F7: variants seen among roughly 807,000 people sequenced by gnomAD.
The protein encoded by F7 is coagulation factor VII.
F7 carries 38 observed loss-of-function variants against 47.5 expected under a neutral mutation model. That is an observed-to-expected ratio of 0.80 (90% CI 0.62 to 1.05). The LOEUF is 1.05. F7 is among the 50% of genes least tolerant of loss of function. F7 has a pLI of 0.00. For missense variants in F7, 575 were observed against 605.4 expected, an observed-to-expected ratio of 0.95 and a Z score of 0.53; for synonymous variants, 244 against 258.5, an observed-to-expected ratio of 0.94 and a Z score of 0.54.
Position 113,115,947 on chromosome 13 carries a change from A to G in F7, c.505+147A>G. The G allele has an allele frequency of 3.9e-6, 5 of 1,266,592 alleles. No homozygotes were observed. The South Asian group carries it at 5.1e-5, about 13-fold the overall frequency. 78.5% of individuals were successfully genotyped at this position (1,266,592 alleles called of 1,614,324 possible). ...ACCAATTGTGAGGTGGGATCTGGGC[A>G]CCAAGGGTGGCACAGGCCAGAGCGA... is the stretch of plus-strand genomic sequence containing the variant. On this transcript the variant is annotated intron_variant, in intron 5 of 7. Transcript: ENST00000346342.
Position 113,113,656 on chromosome 13 carries a change from A to G in F7, c.226-96A>G. 1 of 1,314,020 alleles carries G rather than the reference A, an allele frequency of 7.6e-7. No homozygotes were observed. The highest frequency in any genetic ancestry group is 1.1e-6 in the Non-Finnish European group (1 of 908,770). 81.4% of individuals were successfully genotyped at this position (1,314,020 alleles called of 1,614,324 possible). ...AGCCCACCCCGCCAGACCCAGGTCC[A>G]AGTCCCCCAACCCCAGTTCATGGTG... On this transcript the variant is annotated intron_variant, in intron 2 of 7. Transcript: ENST00000346342. The surrounding 1 kb of genome is among the most constrained non-coding windows in gnomAD (Gnocchi z 4.1).
At chr13:113,105,978 T>C (rs2035945671) in intron 1 of F7, 73 bp downstream of exon 1, 1 of 1,386,608 alleles carries the variant, frequency 7.2e-7, no homozygotes, top group Non-Finnish European at 9.9e-7. Flanking sequence ...AGCCCGGGCT[T>C]CCCAAACCCC....
At chr13:113,108,530 G>A (rs1190471278) in intron 1 of F7, among the ~76,000 whole-genome samples, 1 of 34,822 alleles carries the variant, frequency 2.9e-5, no homozygotes, top group Admixed American at 2.3e-4. Context: ...TGGGTGTCCC[G>A]GGGGCGTGGG....
chr13:113,111,992 G>T (rs2036107422), intron 2 of F7, among the ~76,000 whole-genome samples: 1 of 131,076 alleles, frequency 7.6e-6, no homozygotes, highest in Non-Finnish European at 1.6e-5. Flanking sequence ...CACACTCAGG[G>T]TGCACTTCAA....
chr13:113,113,787 G>T lies in F7; in HGVS notation c.250+11G>T. The T allele has an allele frequency of 6.2e-7, 1 of 1,614,186 alleles. No individual in the cohort carries two copies. The highest frequency in any genetic ancestry group is 8.5e-7 in the Non-Finnish European group (1 of 1,180,040). ...GGATTTCTTACAGTGGTGAGTGGATGATCACCACCAGTCCTGCCTGCAACC... is the reference window on the plus strand; with the variant it reads ...GGATTTCTTACAGTGGTGAGTGGATTATCACCACCAGTCCTGCCTGCAACC... On this transcript the variant is annotated intron_variant, in intron 3 of 7. Transcript: ENST00000346342. The surrounding 1 kb of genome is among the most constrained non-coding windows in gnomAD (Gnocchi z 4.1).
Position 113,119,268 on chromosome 13 carries a change from A to C in F7, c.*260A>C. 7.7e-6 allele frequency: 4 copies of C among 517,284 alleles called. No homozygotes were observed. The highest frequency in any genetic ancestry group is 6.9e-6 in the Non-Finnish European group (2 of 289,458). The allele number at this position is 517,284 out of a possible 1,614,324, so 32.0% of individuals were successfully genotyped here. A position where few individuals can be genotyped will look rare whatever the true frequency, so the allele number is the denominator to read the frequency against. ...TAGAGACACAGAGATGGAATAGAAA[A>C]GATGAGAGGCAGAGGCAGACAGGCG... On this transcript the variant is annotated 3_prime_UTR_variant, in exon 8 of 8. Coordinates refer to ENST00000346342, the MANE Select transcript of F7 (RefSeq NM_019616.4).
chr13:113,113,789 TCAC>T lies in F7; in HGVS notation c.250+19_250+21del. 6.2e-7 allele frequency: 1 copy of T among 1,614,150 alleles called. No homozygotes were observed. The highest frequency in any genetic ancestry group is 1.3e-5 in the African/African-American group (1 of 75,032). On this transcript the variant is annotated intron_variant, in intron 3 of 7. Coordinates refer to ENST00000346342, the MANE Select transcript of F7 (RefSeq NM_019616.4). This position sits in a 1 kb window ranked among gnomAD's most constrained non-coding sequence, Gnocchi z 4.1. ...ATTTCTTACAGTGGTGAGTGGATGA[TCAC>T]CACCAGTCCTGCCTGCAACCCTTCT...
In F7 at chr13:113,119,243, T is replaced by A; in HGVS notation, c.*235T>A. 1 of 575,058 alleles carries A rather than the reference T, an allele frequency of 1.7e-6. No individual in the cohort carries two copies. The highest frequency in any genetic ancestry group is 3.1e-6 in the Non-Finnish European group (1 of 323,814). The allele number at this position is 575,058 out of a possible 1,614,324, so 35.6% of individuals were successfully genotyped here. ...AGACTCCAAGATTCAAAGAGACTAA[T>A]AGAGACACAGAGATGGAATAGAAAA... On this transcript the variant is annotated 3_prime_UTR_variant, in exon 8 of 8. Coordinates refer to ENST00000346342, the MANE Select transcript of F7 (RefSeq NM_019616.4).
rs375016045 is a variant in F7, at chr13:113,110,493, G to A, written c.65-197G>A. ...CCCCCGGAAGCAGAGAGGCCAGGCC[G>A]GGAAGGATGGGCGACGGGGGTGGCT... is the stretch of plus-strand genomic sequence containing the variant. On this transcript the variant is annotated intron_variant, in intron 1 of 7. Transcript: ENST00000346342. 5.4e-5 allele frequency: 36 copies of A among 667,752 alleles called. No individual in the cohort carries two copies. The Admixed American group carries it at 8.9e-4, about 17-fold the overall frequency. The allele number at this position is 667,752 out of a possible 1,614,324, so 41.4% of individuals were successfully genotyped here.
rs959914744 is a variant in F7 at position 113,118,490 on chromosome 13, G to A, written c.817G>A (p.Val273Ile). The change falls in exon 8 of 8, where the codon GTC (valine) becomes ATC (isoleucine). Residue 273 changes from valine (V) to isoleucine (I), a missense_variant. By Grantham distance (29) the Val-to-Ile change is conservative. Transcript: ENST00000346342. Reference protein sequence around the residue: ...VAQVIIPSTYVPGTTNHDIAL... With the variant: ...VAQVIIPSTYIPGTTNHDIAL... ...GCAGGTCATCATCCCCAGCACGTAC[G>A]TCCCGGGCACCACCAACCACGACAT... The A allele has an allele frequency of 1.9e-5, 31 of 1,610,192 alleles. No homozygotes were observed. The highest frequency in any genetic ancestry group is 1.6e-4 in the Middle Eastern group (1 of 6,082).
intron 1 of F7, 64 bp downstream of exon 1, chr13:113,105,969 G>C: frequency 6.8e-7 from 1 of 1,467,652 alleles, no homozygotes; most frequent in Non-Finnish European, 9.2e-7. Context: ...CCAGGAGCCA[G>C]CCCGGGCTTC....
intron 4 of F7, among the ~76,000 whole-genome samples, chr13:113,114,193 G>A (rs111970669): frequency 1.1e-4 from 17 of 152,122 alleles, no homozygotes; most frequent in African/African-American, 3.4e-4. Context: ...TTGGGCTCCC[G>A]GCCCTGGGCA....
In F7 at chr13:113,115,778, C is replaced by T. The variant is rs6040; in HGVS notation, c.483C>T (p.Asp161=). The T allele has an allele frequency of 3.4e-4, 552 of 1,613,250 alleles. 6 individuals carry two copies. In the East Asian group the frequency reaches 0.01, roughly 30 times the overall value. ...ACGAGGGGTACTCTCTGCTGGCAGA[C>T]GGGGTGTCCTGCACACCCACAGGTG... The part of the protein sequence containing the change: ...RCHEGYSLLA[D]GVSCTPTVEY... Residue 161 remains aspartate (D), a synonymous_variant, in exon 5 of 8, where the codon GAC becomes GAT. Transcript: ENST00000346342.
intron 4 of F7, among the ~76,000 whole-genome samples, chr13:113,114,327 G>GT (rs1566908328): frequency 2.8e-5 from 4 of 145,406 alleles, no homozygotes; most frequent in African/African-American, 9.8e-5. Flanking sequence ...AGGTTTGAGG[G>GT]GTTTGTTTTT....
At chr13:113,115,153 G>T (rs1029310883) in intron 4 of F7, among the ~76,000 whole-genome samples, 5 of 152,328 alleles carry the variant, frequency 3.3e-5, no homozygotes, top group East Asian at 1.9e-4. Flanking sequence ...CCAAAGTCAG[G>T]CTGCCGGTTC....
Position 113,120,555 on chromosome 13 carries a change from G to T in F7, c.*1547G>T. On this transcript the variant is annotated 3_prime_UTR_variant, in exon 8 of 8. Transcript: ENST00000346342. ...ATTGGCACTCACAGCAGCAAGGCAG[G>T]CACCAGCAACCCACCTCGGGGGCAC... The T allele has an allele frequency of 6.4e-6, 1 of 156,478 alleles. No individual in the cohort carries two copies. Among genetic ancestry groups the T allele is most frequent in the Non-Finnish European group, 1.4e-5 (1 of 71,074 alleles). 9.7% of individuals were successfully genotyped at this position (156,478 alleles called of 1,614,324 possible).
At chr13:113,106,771 C>T in intron 1 of F7, 1 of 1,434,512 alleles carries the variant, frequency 7.0e-7, no homozygotes, top group Non-Finnish European at 9.6e-7. Flanking sequence ...CTGTGAGGGA[C>T]AGTGCCTGGG....
intron 1 of F7, chr13:113,106,923 T>C (rs1211105918): frequency 6.3e-6 from 10 of 1,596,568 alleles, no homozygotes; most frequent in Non-Finnish European, 7.7e-6. Flanking sequence ...GAGCAGGGAC[T>C]GCCACTGGTT....
At chr13:113,118,384 A>C in intron 7 of F7, 29 bp from the exon 8 acceptor site, 1 of 1,568,456 alleles carries the variant, frequency 6.4e-7, no homozygotes, top group Non-Finnish European at 8.6e-7. Flanking sequence ...GGTGGTGGAA[A>C]GGGCCTGAGG....
Sources: allele counts gnomAD v4.1 joint callset (sites outside exome capture counted in the v4.1 genomes callset), GRCh38; gene constraint gnomAD v4.1.1; non-coding constraint Gnocchi (gnomAD v3.1); transcripts MANE v1.5; gene names NCBI Gene and HGNC (gene_info 2026-07-23, HGNC 2026-07-21).